Variants in JADE3 observed in about 807,000 individuals in gnomAD.
JADE3 encodes protein Jade-3.
A neutral mutation model predicts 50.1 loss-of-function variants in JADE3; 2 were observed. The observed-to-expected ratio is 0.04, with a 90% CI of 0.02 to 0.13. JADE3 has a LOEUF of 0.13. Ranked by LOEUF, JADE3 falls within the 10% of genes least tolerant of loss-of-function variation. The pLI, the probability that JADE3 is intolerant of heterozygous loss-of-function variation, is 1.00. For synonymous variants in JADE3, 218 were observed against 232.9 expected (o/e 0.94, Z 0.58); for missense variants, 475 against 634.4 (o/e 0.75, Z 2.70).
chrX:46,952,974 C>T (rs1308757122), intron 1 of JADE3, among the ~76,000 whole-genome samples: 34 of 108,675 alleles, frequency 3.1e-4, no homozygotes, highest in Non-Finnish European at 6.1e-4. Flanking sequence ...GCCTGGGTGA[C>T]AGAGCGAGAC....
intron 1 of JADE3, among the ~76,000 whole-genome samples, chrX:46,949,156 C>T (rs976929766): frequency 3.6e-5 from 4 of 110,177 alleles, no homozygotes; most frequent in African/African-American, 1.3e-4. Context: ...CCAGGCTGGT[C>T]TCAAACTCCT....
intron 8 of JADE3, among the ~76,000 whole-genome samples, chrX:47,049,385 T>C (rs1425298201): frequency 9.1e-6 from 1 of 109,542 alleles, no homozygotes; most frequent in Non-Finnish European, 1.9e-5. Context: ...GCCAGGCTGG[T>C]CTTGAACTCC....
rs1397050360 is a variant in JADE3, at chrX:47,052,926, C to T, written c.973-1232C>T. ...CAAAAATTAGCCGGGCATGGTGGCA[C>T]ATGCCTGTAATCCCAGCTACTCGGG... is the stretch of plus-strand genomic sequence containing the variant. On this transcript the variant is annotated intron_variant, in intron 8 of 10. Transcript: ENST00000614628. Among the ~76,000 whole-genome samples the T allele has an allele frequency of 7.4e-5, 8 of 108,079 alleles. 1 individual carries two copies. Among genetic ancestry groups the T allele is most frequent in the Non-Finnish European group, 1.3e-4 (7 of 52,121 alleles). 93.9% of individuals were successfully genotyped at this position (108,079 alleles called of 115,157 possible). A position where few individuals can be genotyped will look rare whatever the true frequency, so the allele number is the denominator to read the frequency against.
At chrX:47,020,574 C>T (rs1556364160) in intron 4 of JADE3, among the ~76,000 whole-genome samples, 1 of 111,595 alleles carries the variant, frequency 9.0e-6, no homozygotes, top group Admixed American at 9.5e-5. Context: ...CATCTTTTAC[C>T]CATGTATTTT....
intron 4 of JADE3, among the ~76,000 whole-genome samples, chrX:47,023,058 A>G (rs1556364810): frequency 8.9e-6 from 1 of 111,834 alleles, no homozygotes; most frequent in African/African-American, 3.3e-5. Flanking sequence ...ACTAAGCCAA[A>G]CACTTTCTGT....
At chrX:46,913,613 A>C (rs782055981) in intron 1 of JADE3, among the ~76,000 whole-genome samples, 10 of 109,320 alleles carry the variant, frequency 9.1e-5, no homozygotes, top group Non-Finnish European at 1.7e-4. Context: ...AATAGCCTTC[A>C]ATCTTTTTCT....
At chrX:46,914,446 A>G (rs1426195992) in intron 1 of JADE3, among the ~76,000 whole-genome samples, 1 of 111,456 alleles carries the variant, frequency 9.0e-6, no homozygotes, top group African/African-American at 3.3e-5. Context: ...TTCTACCTCC[A>G]TAACATATCA....
At position 46,943,223 on chromosome X, in the gene JADE3, T is replaced by C. The variant is rs189995244; in HGVS notation, c.-12+30504T>C. Among the ~76,000 whole-genome samples the C allele has an allele frequency of 3.3e-3, 367 of 111,927 alleles. 1 individual carries two copies. Among genetic ancestry groups the C allele is most frequent in the African/African-American group, 0.011 (352 of 30,822 alleles). ...CTTGCCTAATGGCTCTGGCTAAGAC[T>C]CCTGGTACTATGTTGAATAATAGTG... On this transcript the variant is annotated intron_variant, in intron 1 of 10. Transcript: ENST00000614628.
intron 3 of JADE3, among the ~76,000 whole-genome samples, chrX:46,990,986 G>A (rs1278572947): frequency 1.0e-5 from 1 of 99,323 alleles, no homozygotes; most frequent in Non-Finnish European, 2.0e-5. Flanking sequence ...TGAACATAGT[G>A]TTTTCACCTC....
At chrX:47,043,797 C>T (rs781953125) in intron 8 of JADE3, among the ~76,000 whole-genome samples, 11 of 99,787 alleles carry the variant, frequency 1.1e-4, no homozygotes, top group East Asian at 6.2e-4. Context: ...CCAGCCTGGG[C>T]GACAGAGTGA....
intron 1 of JADE3, among the ~76,000 whole-genome samples, chrX:46,918,430 A>G (rs1926154783): frequency 8.9e-6 from 1 of 112,053 alleles, no homozygotes; most frequent in African/African-American, 3.2e-5. Flanking sequence ...GGGAAGACTT[A>G]AGTATTTTTT....
At chrX:47,023,976 A>G (rs782453578) in intron 4 of JADE3, among the ~76,000 whole-genome samples, 33 of 112,815 alleles carry the variant, frequency 2.9e-4, no homozygotes, top group Non-Finnish European at 5.6e-4. Context: ...AGTGACAGAA[A>G]AAAACAAGCC....
In JADE3 at chrX:47,000,653, A is replaced by G. The variant is rs191083097; in HGVS notation, c.284+2376A>G. Among the ~76,000 whole-genome samples, 26 of 111,318 alleles carry G rather than the reference A, an allele frequency of 2.3e-4. No individual in the cohort carries two copies. The East Asian group carries it at 5.9e-3, about 25-fold the overall frequency. On this transcript the variant is annotated intron_variant, in intron 4 of 10. Coordinates refer to ENST00000614628, the MANE Select transcript of JADE3 (RefSeq NM_014735.5). ...CTGCAACCTCCGCCTCCTGAGTTCA[A>G]GTGATTCTCATGCCTCAGCCACTTG...
At chrX:47,048,489 TA>T (rs1265430909) in intron 8 of JADE3, among the ~76,000 whole-genome samples, 1 of 112,258 alleles carries the variant, frequency 8.9e-6, no homozygotes, top group Non-Finnish European at 1.9e-5. Context: ...TCCATACAAT[TA>T]TTTTTTGCCC....
chrX:47,013,594 A>G (rs1193959259), intron 4 of JADE3, among the ~76,000 whole-genome samples: 2 of 111,780 alleles, frequency 1.8e-5, no homozygotes, highest in African/African-American at 6.5e-5. Context: ...GAATTTAACC[A>G]TGTCAGTGCA....
intron 1 of JADE3, among the ~76,000 whole-genome samples, chrX:46,935,096 G>T (rs1375381623): frequency 9.1e-6 from 1 of 110,015 alleles, no homozygotes; most frequent in African/African-American, 3.3e-5. Context: ...ACCATGCCCA[G>T]CTAATTTTTG....
At chrX:47,004,048 C>T (rs1023352043) in intron 4 of JADE3, among the ~76,000 whole-genome samples, 4 of 108,006 alleles carry the variant, frequency 3.7e-5, no homozygotes, top group Non-Finnish European at 7.7e-5. Flanking sequence ...GCCTCAGCCT[C>T]CTGAGTAGCT....
Position 46,984,952 on chromosome X carries a change from C to T in JADE3, c.46+12C>T, listed in dbSNP as rs782738264. The T allele has an allele frequency of 4.2e-6, 5 of 1,188,903 alleles. No homozygotes were observed. In the South Asian group the frequency reaches 7.1e-5, roughly 17 times the overall value. On this transcript the variant is annotated intron_variant, in intron 2 of 10. Transcript: ENST00000614628. The stretch of plus-strand genomic sequence containing the variant: ...CAGTTCAGACGAAAGTGAGTAGAAC[C>T]GGCTGGCAGCTGGTAACCTTTCTAT...
At chrX:46,917,210 G>A (rs992606411) in intron 1 of JADE3, among the ~76,000 whole-genome samples, 1 of 104,201 alleles carries the variant, frequency 9.6e-6, no homozygotes, top group African/African-American at 3.5e-5. Flanking sequence ...AAAAGTAATA[G>A]GTATTAAGGT....
Sources: allele counts gnomAD v4.1 joint callset (sites outside exome capture counted in the v4.1 genomes callset), GRCh38; gene constraint gnomAD v4.1.1; transcripts MANE v1.5; gene names NCBI Gene and HGNC (gene_info 2026-07-23, HGNC 2026-07-21).